Variants in ENDOV observed in about 807,000 individuals in gnomAD.
The protein encoded by ENDOV is endonuclease V, also known as hEndoV.
Under a neutral mutation model 39.4 loss-of-function variants are expected in ENDOV, and 37 were observed. The ratio of observed to expected loss-of-function variants is 0.94; its 90% CI spans 0.72 to 1.23. The LOEUF (loss-of-function observed/expected upper bound fraction) is 1.23, where lower values mean the gene tolerates loss of function less well. Ranked by LOEUF, ENDOV falls within the 50% of genes most tolerant of loss-of-function variation. The pLI is 0.00. For missense variants in ENDOV, 441 were observed against 375.7 expected, an observed-to-expected ratio of 1.17 and a Z score of -1.44; for synonymous variants, 186 against 163.4, an observed-to-expected ratio of 1.14 and a Z score of -1.05.
chr17:80,418,083 C>A (rs928899910), intron 2 of ENDOV: 1 of 152,094 alleles, frequency 6.6e-6, no homozygotes, highest in African/African-American at 2.4e-5. Flanking sequence ...CTAAGAGGTC[C>A]CCTGGCCATT....
At chr17:80,415,847 A>G in intron 2 of ENDOV, 26 bp downstream of exon 2, 1 of 1,572,668 alleles carries the variant, frequency 6.4e-7, no homozygotes, top group Non-Finnish European at 8.6e-7. Flanking sequence ...GCCGAGCTCG[A>G]GGCGGGCCCC....
chr17:80,432,960 G>A (rs751260474), intron 9 of ENDOV, among the ~76,000 whole-genome samples: 2 of 152,168 alleles, frequency 1.3e-5, no homozygotes, highest in Non-Finnish European at 2.9e-5. Flanking sequence ...CCAGAGCCTG[G>A]TGTCCAGGAT....
chr17:80,428,837 G>T (rs949314002), intron 8 of ENDOV, among the ~76,000 whole-genome samples, 177 bp downstream of exon 8: 1 of 152,148 alleles, frequency 6.6e-6, no homozygotes, highest in South Asian at 2.1e-4. Flanking sequence ...AGTGGAGTGG[G>T]GTAGACTCCT....
Position 80,421,917 on chromosome 17 carries a change from G to C in ENDOV, c.318G>C (p.Glu106Asp), listed in dbSNP as rs780002339. The C allele has an allele frequency of 6.2e-7, 1 of 1,611,366 alleles. No individual in the cohort carries two copies. The highest frequency in any genetic ancestry group is 2.2e-5 in the East Asian group (1 of 44,862). ...TCCGAGAGGTGCCCTTCTTGCTGGA[G>C]CTGGTGCAGCAGCTGCGGGAGAAGG... ...LAFREVPFLL[E>D]LVQQLREKEP... The change falls in exon 3 of 10, where the codon GAG becomes GAC. Residue 106 changes from glutamate to aspartate, a missense_variant. Glu to Asp is a conservative substitution (Grantham distance 45, BLOSUM62 2). Transcript: ENST00000518137.
In ENDOV at chr17:80,415,770, CAG is replaced by C. The variant is rs745968210; in HGVS notation, c.178_179del (p.Ser60CysfsTer14). The C allele has an allele frequency of 3.7e-6, 6 of 1,605,114 alleles. No individual in the cohort carries two copies. Among genetic ancestry groups the C allele is most frequent in the Non-Finnish European group, 5.1e-6 (6 of 1,176,084 alleles). On this transcript the variant is annotated frameshift_variant, in exon 2 of 10. Coordinates refer to ENST00000518137, the MANE Select transcript of ENDOV (RefSeq NM_173627.5). LOFTEE classifies it high-confidence loss of function. Reference sequence around the variant, plus strand: ...TTGACGTGTCCTTCGTGAAAGGGGACAGTGTCCGCGCTTGTGCTTCCCTGGTG... The same window carrying C: ...TTGACGTGTCCTTCGTGAAAGGGGACTGTCCGCGCTTGTGCTTCCCTGGTG... The part of the protein sequence containing the change: ...GVDVSFVKGD[S>X]VRACASLVVL...
At chr17:80,430,065 A>G (rs1466730534) in intron 9 of ENDOV, 5 of 1,535,788 alleles carry the variant, frequency 3.3e-6, no homozygotes, top group Non-Finnish European at 3.5e-6. Context: ...CCCCAAAGAC[A>G]GGCTGACCGC....
Position 80,415,753 on chromosome 17 carries a change from T to G in ENDOV, c.160T>G (p.Ser54Ala). Residue 54 changes from serine to alanine, a missense_variant, in exon 2 of 10, where the codon TCC (serine) becomes GCC (alanine). By Grantham distance (99) the Ser-to-Ala change is moderately conservative. Transcript: ENST00000518137. ...GCAGAGGGTCGGGGGCGTTGACGTG[T>G]CCTTCGTGAAAGGGGACAGTGTCCG... is the stretch of plus-strand genomic sequence containing the variant. ...GLQRVGGVDVSFVKGDSVRAC... is the reference protein window; with the variant it reads ...GLQRVGGVDVAFVKGDSVRAC... 1.2e-6 allele frequency: 2 copies of G among 1,606,484 alleles called. No individual in the cohort carries two copies. Among genetic ancestry groups the G allele is most frequent in the Non-Finnish European group, 1.7e-6 (2 of 1,176,718 alleles).
chr17:80,419,634 T>C (rs1353893232), intron 2 of ENDOV: 3 of 702,784 alleles, frequency 4.3e-6, no homozygotes, highest in African/African-American at 3.5e-5. Flanking sequence ...GCCTTCTGCT[T>C]GTCAGCCCTT....
intron 2 of ENDOV, among the ~76,000 whole-genome samples, 162 bp from the exon 3 acceptor site, chr17:80,421,666 C>A (rs2082050113): frequency 6.6e-6 from 1 of 152,086 alleles, no homozygotes; most frequent in African/African-American, 2.4e-5. Flanking sequence ...TCTTCTAGTT[C>A]CTTCTTCCAA....
intron 9 of ENDOV, among the ~76,000 whole-genome samples, chr17:80,430,870 C>T (rs1374698391): frequency 6.6e-6 from 1 of 152,244 alleles, no homozygotes; most frequent in Non-Finnish European, 1.5e-5. Flanking sequence ...CCCTAGGCCC[C>T]TGTCTGGCCA....
At chr17:80,431,969 G>T (rs1057212659) in intron 9 of ENDOV, among the ~76,000 whole-genome samples, 23 of 152,304 alleles carry the variant, frequency 1.5e-4, no homozygotes, top group African/African-American at 5.1e-4. Flanking sequence ...TGTGGACCCT[G>T]TCTGCCTCTA....
intron 9 of ENDOV, among the ~76,000 whole-genome samples, chr17:80,431,179 C>T (rs1373379003): frequency 1.3e-5 from 2 of 152,212 alleles, no homozygotes; most frequent in African/African-American, 4.8e-5. Flanking sequence ...GGCGCGCCTC[C>T]ATGCCCCTTC....
At position 80,429,908 on chromosome 17, in the gene ENDOV, C is replaced by T. The variant is rs772115148; in HGVS notation, c.838+77C>T. 7 of 1,609,668 alleles carry T rather than the reference C, an allele frequency of 4.3e-6. No individual in the cohort carries two copies. The South Asian group carries it at 7.7e-5, about 18-fold the overall frequency. On this transcript the variant is annotated intron_variant, in intron 9 of 9. Transcript: ENST00000518137. The stretch of plus-strand genomic sequence containing the variant: ...GGCCAGGCTCCCAGGAGCAGGCGGG[C>T]AAGGACTGGCAGTAGGGTGGAACTG...
chr17:80,415,391 C>T (rs2080950269), intron 1 of ENDOV, 141 bp downstream of exon 1: 1 of 1,153,908 alleles, frequency 8.7e-7, no homozygotes, highest in East Asian at 2.6e-5. Context: ...GTTTCCGGCG[C>T]GGAAGCGGAG....
intron 1 of ENDOV, 162 bp from the exon 2 acceptor site, chr17:80,415,488 G>C: frequency 9.1e-7 from 1 of 1,094,718 alleles, no homozygotes; most frequent in Non-Finnish European, 1.3e-6. Flanking sequence ...GGTCTCCGCC[G>C]CCTGGGCTCC....
intron 3 of ENDOV, 35 bp downstream of exon 3, chr17:80,421,997 C>T (rs2144926236): frequency 6.2e-7 from 1 of 1,600,672 alleles, no homozygotes; most frequent in Non-Finnish European, 8.5e-7. Flanking sequence ...GAGAAAGGTC[C>T]CTCCTTCCCC....
intron 9 of ENDOV, among the ~76,000 whole-genome samples, chr17:80,433,701 G>A (rs866361804): frequency 6.6e-6 from 1 of 152,190 alleles, no homozygotes; most frequent in African/African-American, 2.4e-5. Flanking sequence ...TGTGAGGGGG[G>A]CAGAGATGGC....
chr17:80,428,402 G>T, intron 7 of ENDOV, 194 bp from the exon 8 acceptor site: 1 of 602,394 alleles, frequency 1.7e-6, no homozygotes, highest in Non-Finnish European at 2.9e-6. Flanking sequence ...GCGGGGCTTT[G>T]ACCCCAAAGT....
chr17:80,424,326 C>T (rs1447009034), intron 5 of ENDOV: 9 of 399,440 alleles, frequency 2.3e-5, no homozygotes, highest in Non-Finnish European at 4.0e-5. Context: ...CCACCGCCGC[C>T]AGAAATACCA....
Sources: allele counts gnomAD v4.1 joint callset (sites outside exome capture counted in the v4.1 genomes callset), GRCh38; gene constraint gnomAD v4.1.1; transcripts MANE v1.5; gene names NCBI Gene and HGNC (gene_info 2026-07-23, HGNC 2026-07-21).